Variants in IRAK2 observed in about 807,000 individuals in gnomAD.
The protein encoded by IRAK2 is interleukin 1 receptor associated kinase 2, also known as interleukin-1 receptor-associated kinase-like 2.
In IRAK2, 57 loss-of-function variants were observed where a neutral mutation model predicts 72.0. The ratio of observed to expected loss-of-function variants is 0.79; its 90% CI spans 0.64 to 0.99. The LOEUF (loss-of-function observed/expected upper bound fraction) is 0.99. Among genes scored for constraint, IRAK2 ranks in the 50% least tolerant of loss-of-function variants. IRAK2 has a pLI of 0.00. For missense variants in IRAK2, 790 were observed against 794.4 expected (o/e 0.99, Z 0.07); for synonymous variants, 293 against 312.7 (o/e 0.94, Z 0.67).
chr3:10,196,497 G>A (rs1356717860), intron 2 of IRAK2, among the ~76,000 whole-genome samples: 5 of 152,226 alleles, frequency 3.3e-5, no homozygotes, highest in Admixed American at 2.6e-4. Context: ...ATTCCTGCAG[G>A]CAAGGCCCTT....
At chr3:10,226,525 A>G in intron 10 of IRAK2, 92 bp downstream of exon 10, 1 of 1,031,616 alleles carries the variant, frequency 9.7e-7, no homozygotes, top group Non-Finnish European at 1.5e-6. Context: ...CTAGTTTTAC[A>G]CATGCAAATG....
chr3:10,206,888 T>C (rs1433474546), intron 3 of IRAK2, among the ~76,000 whole-genome samples: 2 of 150,758 alleles, frequency 1.3e-5, no homozygotes, highest in Non-Finnish European at 2.9e-5. Context: ...ACAGTCTCGC[T>C]CTGTCCCCCA....
At chr3:10,193,492 G>A (rs1397118225) in intron 2 of IRAK2, among the ~76,000 whole-genome samples, 3 of 151,890 alleles carry the variant, frequency 2.0e-5, no homozygotes, top group East Asian at 1.9e-4. Context: ...GCGTGGTGGC[G>A]TGCTCCTGTG....
chr3:10,167,882 G>A lies in IRAK2; in HGVS notation c.94+2834G>A, dbSNP rs75214472. On this transcript the variant is annotated intron_variant, in intron 1 of 12. Transcript: ENST00000256458. Reference sequence around the variant, plus strand: ...TGCAGTGGTGCAAATGTAGCTCACCGCAGCCCCAACTTCCTGGGCTCAAGC... The same window carrying A: ...TGCAGTGGTGCAAATGTAGCTCACCACAGCCCCAACTTCCTGGGCTCAAGC... Among the ~76,000 whole-genome samples the A allele has an allele frequency of 2.9e-3, 447 of 152,254 alleles. 7 individuals are homozygous for A. In the South Asian group the frequency reaches 0.035, roughly 12 times the overall value.
intron 4 of IRAK2, among the ~76,000 whole-genome samples, chr3:10,212,120 G>A (rs1310658509): frequency 6.6e-6 from 1 of 151,642 alleles, no homozygotes; most frequent in African/African-American, 2.4e-5. Flanking sequence ...TTTAAAGAGA[G>A]AAGTTATTAA....
At position 10,242,205 on chromosome 3, in the gene IRAK2, A is replaced by G; in HGVS notation, c.1855A>G (p.Ser619Gly). ...ILLYKEEKVD[S>G]IELFGP ...GCTCTACAAAGAGGAAAAAGTGGAC[A>G]GCATTGAGCTCTTTGGCCCCTGATG... is the stretch of plus-strand genomic sequence containing the variant. The change falls in exon 13 of 13, where the codon AGC becomes GGC. Residue 619 changes from serine (S) to glycine (G), a missense_variant. Physicochemically the swap from Ser to Gly is moderately conservative, Grantham distance 56. Transcript: ENST00000256458. 1 of 1,611,978 alleles carries G rather than the reference A, an allele frequency of 6.2e-7. No individual in the cohort carries two copies. Among genetic ancestry groups the G allele is most frequent in the African/African-American group, 1.3e-5 (1 of 75,000 alleles).
In IRAK2 at chr3:10,183,720, A is replaced by AAAT. The variant is rs1559440866; in HGVS notation, c.277+5702_277+5703insTAA. ...TGGCGGCAGAGCGAGACTCCGTCTCAAAATAAATAAATAAATAAATAAATA... is the reference window on the plus strand; with the variant it reads ...TGGCGGCAGAGCGAGACTCCGTCTCAAATAAATAAATAAATAAATAAATAAATA... On this transcript the variant is annotated intron_variant, in intron 2 of 12. Transcript: ENST00000256458. Among the ~76,000 whole-genome samples, 353 of 151,122 alleles carry AAAT rather than the reference A, an allele frequency of 2.3e-3. 1 individual carries two copies. The highest frequency in any genetic ancestry group is 3.5e-3 in the Non-Finnish European group (234 of 67,744).
At position 10,182,375 on chromosome 3, in the gene IRAK2, C is replaced by T. The variant is rs559869096; in HGVS notation, c.277+4355C>T. ...TCGGCTCACTGCAAGCTCCGCCTCC[C>T]AGGTTCATGCCATTCTCCTGCCTCA... On this transcript the variant is annotated intron_variant, in intron 2 of 12. Coordinates refer to ENST00000256458, the MANE Select transcript of IRAK2 (RefSeq NM_001570.4). Among the ~76,000 whole-genome samples, 28 of 152,016 alleles carry T rather than the reference C, an allele frequency of 1.8e-4. No homozygotes were observed. In the South Asian group the frequency reaches 4.2e-3, roughly 23 times the overall value.
chr3:10,212,763 CTTTTTTTTT>C (rs543464447), intron 4 of IRAK2, among the ~76,000 whole-genome samples: 1 of 125,984 alleles, frequency 7.9e-6, no homozygotes, highest in Non-Finnish European at 1.6e-5. Flanking sequence ...TATCCATGTC[CTTTTTTTTT>C]TTTTTTTTTT....
intron 8 of IRAK2, among the ~76,000 whole-genome samples, chr3:10,221,687 G>A (rs1201965843): frequency 2.0e-5 from 3 of 151,816 alleles, no homozygotes; most frequent in South Asian, 2.1e-4. Context: ...CCACCATGCC[G>A]TGCTGAATTT....
At chr3:10,183,404 G>A (rs1379229948) in intron 2 of IRAK2, among the ~76,000 whole-genome samples, 1 of 152,142 alleles carries the variant, frequency 6.6e-6, no homozygotes, top group Admixed American at 6.6e-5. Flanking sequence ...TATTTAATTT[G>A]TCAAACACTG....
intron 2 of IRAK2, among the ~76,000 whole-genome samples, chr3:10,187,809 C>G (rs1697102306): frequency 6.6e-6 from 1 of 152,084 alleles, no homozygotes; most frequent in Non-Finnish European, 1.5e-5. Flanking sequence ...AAATGGTGAC[C>G]ATGGTGAGGG....
At chr3:10,177,517 GC>G (rs1180064984) in intron 1 of IRAK2, among the ~76,000 whole-genome samples, 1 of 152,158 alleles carries the variant, frequency 6.6e-6, no homozygotes, top group Non-Finnish European at 1.5e-5. Flanking sequence ...AGAAGGGGAG[GC>G]AGGCAGAGCT....
At chr3:10,178,362 C>T (rs1162921838) in intron 2 of IRAK2, among the ~76,000 whole-genome samples, 3 of 151,888 alleles carry the variant, frequency 2.0e-5, no homozygotes, top group African/African-American at 4.8e-5. Flanking sequence ...GAGGCTGAGG[C>T]AGGAGAATCG....
At chr3:10,222,904 A>G in intron 9 of IRAK2, 73 bp downstream of exon 9, 5 of 1,340,820 alleles carry the variant, frequency 3.7e-6, no homozygotes, top group Non-Finnish European at 5.3e-6. Flanking sequence ...TTGTAATCAC[A>G]GGATACGGTA....
chr3:10,207,810 T>C (rs1697454300), intron 3 of IRAK2, among the ~76,000 whole-genome samples: 1 of 152,070 alleles, frequency 6.6e-6, no homozygotes, highest in African/African-American at 2.4e-5. Flanking sequence ...CTGGCCAACA[T>C]GGTGAAACCC....
chr3:10,225,030 G>T lies in IRAK2; in HGVS notation c.1210-1341G>T, dbSNP rs539000774. ...TTTCCCCTTGTTCTGTCCCTTCCTGGCAGGGACCTGTCAGGAGTCCCTTTT... is the reference window on the plus strand; with the variant it reads ...TTTCCCCTTGTTCTGTCCCTTCCTGTCAGGGACCTGTCAGGAGTCCCTTTT... On this transcript the variant is annotated intron_variant, in intron 9 of 12. Coordinates refer to ENST00000256458, the MANE Select transcript of IRAK2 (RefSeq NM_001570.4). Among the ~76,000 whole-genome samples, 10 of 151,874 alleles carry T rather than the reference G, an allele frequency of 6.6e-5. No individual in the cohort carries two copies. In the East Asian group the frequency reaches 1.2e-3, roughly 18 times the overall value.
intron 10 of IRAK2, among the ~76,000 whole-genome samples, chr3:10,228,414 G>A (rs909116712): frequency 1.3e-5 from 2 of 152,016 alleles, no homozygotes; most frequent in Non-Finnish European, 2.9e-5. Flanking sequence ...GTCTGTCTGG[G>A]CAGCTCAGAT....
chr3:10,177,429 A>C (rs1696893312), intron 1 of IRAK2, among the ~76,000 whole-genome samples: 1 of 152,158 alleles, frequency 6.6e-6, no homozygotes, highest in Non-Finnish European at 1.5e-5. Flanking sequence ...ACTCTGAACC[A>C]GGCACTATTC....
Sources: allele counts gnomAD v4.1 joint callset (sites outside exome capture counted in the v4.1 genomes callset), GRCh38; gene constraint gnomAD v4.1.1; transcripts MANE v1.5; gene names NCBI Gene and HGNC (gene_info 2026-07-23, HGNC 2026-07-21).